Variants in SEZ6L observed in about 807,000 individuals in gnomAD.
SEZ6L encodes the protein seizure 6-like protein.
A neutral mutation model predicts 106.2 loss-of-function variants in SEZ6L; 37 were observed. The observed-to-expected ratio is 0.35, with a 90% CI of 0.27 to 0.46. The LOEUF (loss-of-function observed/expected upper bound fraction) is 0.46. Ranked by LOEUF, SEZ6L falls within the 20% of genes least tolerant of loss-of-function variation. SEZ6L has a pLI of 1.00. For synonymous variants in SEZ6L, 541 were observed against 570.4 expected, an observed-to-expected ratio of 0.95 and a Z score of 0.73; for missense variants, 1,172 against 1,332.8, an observed-to-expected ratio of 0.88 and a Z score of 1.88.
chr22:26,229,333 T>C (rs563699617), intron 1 of SEZ6L, among the ~76,000 whole-genome samples: 82 of 152,320 alleles, frequency 5.4e-4, no homozygotes, highest in African/African-American at 1.8e-3. Context: ...TAACCTTTAT[T>C]GAGTGTCTCC....
intron 12 of SEZ6L, chr22:26,364,806 G>A (rs1292659891): frequency 6.5e-6 from 1 of 154,000 alleles, no homozygotes; most frequent in Non-Finnish European, 1.4e-5. Context: ...CACGGTAGGA[G>A]GCATCAAGGA....
intron 1 of SEZ6L, among the ~76,000 whole-genome samples, chr22:26,291,211 C>T (rs2081096681): frequency 6.6e-6 from 1 of 152,320 alleles, no homozygotes; most frequent in Admixed American, 6.5e-5. Context: ...CAATGATAGA[C>T]TGGATAAAGA....
At chr22:26,324,081 CACACACACACACACACACACAA>C (rs1167971836) in intron 9 of SEZ6L, among the ~76,000 whole-genome samples, 2 of 151,076 alleles carry the variant, frequency 1.3e-5, no homozygotes, top group Non-Finnish European at 3.0e-5. Flanking sequence ...CACACACACA[CACACACACACACACACACACAA>C]ACACACACAC....
chr22:26,333,675 G>A (rs2082557721), intron 9 of SEZ6L, among the ~76,000 whole-genome samples: 1 of 152,104 alleles, frequency 6.6e-6, no homozygotes, highest in East Asian at 1.9e-4. Flanking sequence ...GTGAGACATG[G>A]GAGGGCCTCA....
intron 1 of SEZ6L, among the ~76,000 whole-genome samples, chr22:26,279,402 T>A (rs1449663352): frequency 6.6e-6 from 1 of 152,158 alleles, no homozygotes; most frequent in African/African-American, 2.4e-5. Flanking sequence ...TCCTGTGCCG[T>A]GACATTGGAG....
chr22:26,334,295 C>T (rs2082578777), intron 9 of SEZ6L, among the ~76,000 whole-genome samples: 2 of 152,142 alleles, frequency 1.3e-5, no homozygotes, highest in South Asian at 4.2e-4. Context: ...CTCCTCACCC[C>T]CTAACCCTTG....
chr22:26,218,744 C>T (rs2078369527), intron 1 of SEZ6L, among the ~76,000 whole-genome samples: 1 of 152,052 alleles, frequency 6.6e-6, no homozygotes, highest in Non-Finnish European at 1.5e-5. Context: ...TGAGACCAGC[C>T]TGGCCAACAT....
intron 1 of SEZ6L, among the ~76,000 whole-genome samples, chr22:26,283,473 G>A (rs1008265585): frequency 6.6e-6 from 1 of 152,212 alleles, no homozygotes; most frequent in Admixed American, 6.5e-5. Context: ...GAATACTAAT[G>A]TAATGGAATA....
intron 12 of SEZ6L, among the ~76,000 whole-genome samples, chr22:26,364,143 T>C (rs2083727852): frequency 6.6e-6 from 1 of 152,206 alleles, no homozygotes; most frequent in Non-Finnish European, 1.5e-5. Flanking sequence ...AGTTTTATGT[T>C]ATGTAGATTT....
rs1394319318 is a variant in SEZ6L at position 26,310,657 on chromosome 22, C to T, written c.1515-13C>T. The T allele has an allele frequency of 1.2e-6, 2 of 1,613,910 alleles. No individual in the cohort carries two copies. The highest frequency in any genetic ancestry group is 1.1e-5 in the South Asian group (1 of 91,020). ...GATCTGTCAGTGTCCCTCCTCTCTG[C>T]TCCCACTGCCAGGATGACGGTTCAC... On this transcript the variant is annotated splice_polypyrimidine_tract_variant and intron_variant, in intron 6 of 16. Coordinates refer to ENST00000248933, the MANE Select transcript of SEZ6L (RefSeq NM_021115.5).
intron 13 of SEZ6L, among the ~76,000 whole-genome samples, chr22:26,367,222 G>A (rs922579632): frequency 2.0e-5 from 3 of 152,038 alleles, no homozygotes; most frequent in East Asian, 1.9e-4. Context: ...GTGACCAAGC[G>A]TCCCGTAGAA....
At chr22:26,302,681 G>C (rs968957347) in intron 5 of SEZ6L, among the ~76,000 whole-genome samples, 2 of 152,098 alleles carry the variant, frequency 1.3e-5, no homozygotes, top group Non-Finnish European at 2.9e-5. Flanking sequence ...CCAAACCATA[G>C]GGCAGTTGGT....
At chr22:26,297,203 T>G in intron 4 of SEZ6L, 123 bp downstream of exon 4, 1 of 633,770 alleles carries the variant, frequency 1.6e-6, no homozygotes, top group South Asian at 3.2e-5. Flanking sequence ...TACAAACCCC[T>G]TCTCAGAATA....
chr22:26,217,569 C>G (rs1233322544), intron 1 of SEZ6L, among the ~76,000 whole-genome samples: 1 of 152,210 alleles, frequency 6.6e-6, no homozygotes. Context: ...ATTAGTGGGT[C>G]CACATTAATG....
At position 26,292,644 on chromosome 22, in the gene SEZ6L, C is replaced by T. The variant is rs751730193; in HGVS notation, c.333C>T (p.His111=). The change falls in exon 2 of 17, where the codon CAC becomes CAT. Residue 111 remains histidine, a synonymous_variant. Transcript: ENST00000248933. The part of the protein sequence containing the change: ...PLLPEEARPK[H]ALPPKKKLPS... ...TTCCAGAGGAGGCCCGCCCCAAGCA[C>T]GCCTTGCCCCCCAAGAAGAAACTGC... 1.1e-5 allele frequency: 17 copies of T among 1,613,136 alleles called. No individual in the cohort carries two copies. Among genetic ancestry groups the T allele is most frequent in the South Asian group, 7.7e-5 (7 of 90,950 alleles).
At chr22:26,237,665 G>A (rs1002647128) in intron 1 of SEZ6L, among the ~76,000 whole-genome samples, 6 of 152,186 alleles carry the variant, frequency 3.9e-5, no homozygotes, top group African/African-American at 1.4e-4. Context: ...GGAAGACAAA[G>A]CACATTTTAC....
chr22:26,232,347 CACA>C (rs1345630596), intron 1 of SEZ6L, among the ~76,000 whole-genome samples: 1 of 1,654 alleles, frequency 6.0e-4, no homozygotes, highest in Admixed American at 7.6e-3. Flanking sequence ...CTCTGTCTTT[CACA>C]CACACACACA....
chr22:26,199,434 A>G (rs542599732), intron 1 of SEZ6L, among the ~76,000 whole-genome samples: 6 of 152,294 alleles, frequency 3.9e-5, no homozygotes, highest in African/African-American at 1.4e-4. Context: ...TCCGAGAGAA[A>G]ACCCAGAGTT....
At chr22:26,244,843 G>A (rs995866311) in intron 1 of SEZ6L, among the ~76,000 whole-genome samples, 1 of 152,208 alleles carries the variant, frequency 6.6e-6, no homozygotes, top group Non-Finnish European at 1.5e-5. Flanking sequence ...GGAAACCACA[G>A]ACTGATGGGA....
Sources: gnomAD v4.1 joint callset for allele counts (sites outside exome capture counted in the v4.1 genomes callset) on GRCh38, gnomAD v4.1.1 for gene constraint, MANE v1.5 for transcripts, NCBI Gene and HGNC (gene_info 2026-07-23, HGNC 2026-07-21) for gene names.